Variants in SLC9A5 observed in about 807,000 individuals in gnomAD.
SLC9A5 encodes solute carrier family 9 member A5, also known as sodium/hydrogen exchanger 5.
Under a neutral mutation model 91.7 loss-of-function variants are expected in SLC9A5, and 52 were observed. The ratio of observed to expected loss-of-function variants is 0.57; its 90% confidence interval spans 0.45 to 0.71. The LOEUF is 0.71. SLC9A5 is among the 30% of genes least tolerant of loss of function. The pLI, the probability that SLC9A5 is intolerant of heterozygous loss-of-function variation, is 0.00. For missense variants in SLC9A5, 871 were observed against 1,158.9 expected (o/e 0.75, Z 3.61); for synonymous variants, 419 against 474.5 (o/e 0.88, Z 1.52).
chr16:67,252,657 G>A lies in SLC9A5; in HGVS notation c.303G>A (p.Gln101=), dbSNP rs372997555. The change falls in exon 2 of 16, where the codon CAG becomes CAA. Residue 101 remains glutamine, a synonymous_variant. Transcript: ENST00000299798. This position sits in a 1 kb window ranked among gnomAD's most constrained non-coding sequence, Gnocchi z 4.0. Reference sequence around the variant, plus strand: ...CTGTGGCCAAGAAAGCTGAGTACCAGCTGGAGCCAGGCACCTTCTTCCTCT... The same window carrying A: ...CTGTGGCCAAGAAAGCTGAGTACCAACTGGAGCCAGGCACCTTCTTCCTCT... ...VLAVAKKAEY[Q]LEPGTFFLFL... is the part of the protein sequence containing the mutation. 2.7e-5 allele frequency: 44 copies of A among 1,614,072 alleles called. No homozygotes were observed. Among genetic ancestry groups the A allele is most frequent in the South Asian group, 3.3e-5 (3 of 91,092 alleles).
intron 13 of SLC9A5, 55 bp from the exon 14 acceptor site, chr16:67,264,985 G>C: frequency 3.2e-6 from 5 of 1,563,824 alleles, no homozygotes; most frequent in Non-Finnish European, 4.4e-6. Flanking sequence ...CCAGATGACA[G>C]GGTTGGGGTG....
In SLC9A5 at chr16:67,251,228, C is replaced by T. The variant is rs962156543; in HGVS notation, c.188-1314C>T. On this transcript the variant is annotated intron_variant, in intron 1 of 15. Transcript: ENST00000299798. ...GCTAAAGCCAAAGTTTTAAAAACTA[C>T]GCAGTCCTGAGTGAGCCCATATAAT... 5.3e-5 allele frequency among the ~76,000 whole-genome samples: 8 copies of T among 152,144 alleles called. No individual in the cohort carries two copies. The East Asian group carries it at 9.7e-4, about 18-fold the overall frequency.
chr16:67,264,546 T>A (rs779368954), intron 13 of SLC9A5, 24 bp downstream of exon 13: 139 of 1,612,156 alleles, frequency 8.6e-5, no homozygotes, highest in Non-Finnish European at 2.5e-6. Flanking sequence ...CAGGGACTCC[T>A]CTTGGGAGCT....
chr16:67,257,606 G>A lies in SLC9A5; in HGVS notation c.1496+5G>A, dbSNP rs1597351937. 1.2e-6 allele frequency: 2 copies of A among 1,613,958 alleles called. No individual in the cohort carries two copies. Among genetic ancestry groups the A allele is most frequent in the East Asian group, 4.5e-5 (2 of 44,874 alleles). ...CTACCACTACTGGAGGGACAGGTGA[G>A]GGAGCTGCCCCGAGGCTCCTTCAGC... On this transcript the variant is annotated splice_donor_5th_base_variant and intron_variant, in intron 9 of 15. Coordinates refer to ENST00000299798, the MANE Select transcript of SLC9A5 (RefSeq NM_004594.3). The surrounding 1 kb of genome is among the most constrained non-coding windows in gnomAD (Gnocchi z 5.1).
intron 10 of SLC9A5, among the ~76,000 whole-genome samples, chr16:67,259,062 C>T (rs528147145): frequency 7.2e-5 from 11 of 151,970 alleles, no homozygotes; most frequent in African/African-American, 2.7e-4. Context: ...AGTTCGAAAC[C>T]GGCCTGGCCA....
At chr16:67,268,711 T>TATATATATATATATATATATA (rs55635044) in intron 15 of SLC9A5, among the ~76,000 whole-genome samples, 1 of 97,550 alleles carries the variant, frequency 1.0e-5, no homozygotes, top group Non-Finnish European at 1.9e-5. Context: ...TATATATATA[T>TATATATATATATATATATATA]TTTTACAGTA....
At position 67,255,756 on chromosome 16, in the gene SLC9A5, C is replaced by A; in HGVS notation, c.737C>A (p.Ser246Tyr). Residue 246 changes from serine to tyrosine, a missense_variant, in exon 5 of 16, where the codon TCC (serine) becomes TAC (tyrosine). Ser to Tyr is a moderately radical substitution (Grantham distance 144). Coordinates refer to ENST00000299798, the MANE Select transcript of SLC9A5 (RefSeq NM_004594.3). This position sits in a 1 kb window ranked among gnomAD's most constrained non-coding sequence, Gnocchi z 4.9. ...TGACAACCCACTCCTCCCCCAGCCT[C>A]CCTGTTTGTGGTCAGTCTGGGCGGG... ...QATDYLKGVA[S>Y]LFVVSLGGAA... The A allele has an allele frequency of 6.4e-7, 1 of 1,569,800 alleles. No homozygotes were observed. The highest frequency in any genetic ancestry group is 2.3e-5 in the East Asian group (1 of 42,906).
At chr16:67,265,877 T>C (rs1314301007) in intron 14 of SLC9A5, among the ~76,000 whole-genome samples, 1 of 152,208 alleles carries the variant, frequency 6.6e-6, no homozygotes, top group East Asian at 1.9e-4. Context: ...CTTAGCTTCC[T>C]CTGGTCGCTT....
chr16:67,271,257 G>T lies in SLC9A5; in HGVS notation c.*47G>T. 6.6e-7 allele frequency: 1 copy of T among 1,512,402 alleles called. No homozygotes were observed. Among genetic ancestry groups the T allele is most frequent in the Non-Finnish European group, 9.0e-7 (1 of 1,110,860 alleles). 93.7% of individuals were successfully genotyped at this position (1,512,402 alleles called of 1,614,324 possible). A position where few individuals can be genotyped will look rare whatever the true frequency, so the allele number is the denominator to read the frequency against. On this transcript the variant is annotated 3_prime_UTR_variant, in exon 16 of 16. Coordinates refer to ENST00000299798, the MANE Select transcript of SLC9A5 (RefSeq NM_004594.3). ...AGGAGGTGGAATCCCTGTGGGAAGT[G>T]CTCCCTGGGTGATGGGTAGAGCCCT...
Position 67,252,507 on chromosome 16 carries a change from A to T in SLC9A5, c.188-35A>T. 1.3e-6 allele frequency: 2 copies of T among 1,568,992 alleles called. No homozygotes were observed. Among genetic ancestry groups the T allele is most frequent in the Non-Finnish European group, 1.7e-6 (2 of 1,152,386 alleles). ...GCCTGTGTGTGGGAGGATATTCCAT[A>T]AACTGATCCATCCTGCACTCTTTTT... On this transcript the variant is annotated intron_variant, in intron 1 of 15. Transcript: ENST00000299798. This position sits in a 1 kb window ranked among gnomAD's most constrained non-coding sequence, Gnocchi z 4.0.
rs1008912974 is a variant in SLC9A5, at chr16:67,252,780, C to T, written c.426C>T (p.Gly142=). 2 of 1,613,958 alleles carry T rather than the reference C, an allele frequency of 1.2e-6. No individual in the cohort carries two copies. Among genetic ancestry groups the T allele is most frequent in the Admixed American group, 3.3e-5 (2 of 60,010 alleles). The change falls in exon 2 of 16, where the codon GGC becomes GGT. Residue 142 remains glycine, a synonymous_variant. Transcript: ENST00000299798. This position sits in a 1 kb window ranked among gnomAD's most constrained non-coding sequence, Gnocchi z 4.0. ...CCATCCTCACCTATGCCGTGGTAGG[C>T]ACACTCTGGAATGCCTTCACAACAG... ...LGAILTYAVV[G]TLWNAFTTGA... is the part of the protein sequence containing the mutation.
intron 1 of SLC9A5, 70 bp downstream of exon 1, chr16:67,249,271 C>A: frequency 8.1e-7 from 1 of 1,232,638 alleles, no homozygotes; most frequent in South Asian, 1.9e-5. Context: ...CCCACCTCCT[C>A]GGTCCTCAGA....
At chr16:67,267,287 T>C (rs994768989) in intron 15 of SLC9A5, among the ~76,000 whole-genome samples, 1 of 151,922 alleles carries the variant, frequency 6.6e-6, no homozygotes, top group Non-Finnish European at 1.5e-5. Flanking sequence ...GGTGTCTCCA[T>C]GTTGGTCAGG....
chr16:67,252,668 G>C lies in SLC9A5; in HGVS notation c.314G>C (p.Gly105Ala), dbSNP rs763992398. The C allele has an allele frequency of 2.5e-6, 4 of 1,614,168 alleles. No individual in the cohort carries two copies. The highest frequency in any genetic ancestry group is 1.3e-5 in the African/African-American group (1 of 75,058). Residue 105 changes from glycine to alanine, a missense_variant, in exon 2 of 16, where the codon GGC (glycine) becomes GCC (alanine). This residue lies in a region of SLC9A5 where 454 missense variants were observed against 718.3 expected (regional missense o/e 0.63). Coordinates refer to ENST00000299798, the MANE Select transcript of SLC9A5 (RefSeq NM_004594.3). This position sits in a 1 kb window ranked among gnomAD's most constrained non-coding sequence, Gnocchi z 4.0. ...AAAGCTGAGTACCAGCTGGAGCCAG[G>C]CACCTTCTTCCTCTTCCTGCTGCCT... ...AKKAEYQLEP[G>A]TFFLFLLPPI...
rs987922624 is a variant in SLC9A5, at chr16:67,256,667, C to T, written c.1110C>T (p.Phe370=). The T allele has an allele frequency of 5.0e-6, 8 of 1,613,312 alleles. No homozygotes were observed. Among genetic ancestry groups the T allele is most frequent in the Non-Finnish European group, 6.8e-6 (8 of 1,179,864 alleles). Residue 370 remains phenylalanine (F), a synonymous_variant, in exon 6 of 16, where the codon TTC becomes TTT. Transcript: ENST00000299798. The surrounding 1 kb of genome is among the most constrained non-coding windows in gnomAD (Gnocchi z 4.1). ...DSGLVLGTLI[F]ILFFRALGVV... ...GGCTGGTGCTGGGCACCCTCATCTTCATCCTGTTCTTCCGAGCCCTCGGTA... is the reference window on the plus strand; with the variant it reads ...GGCTGGTGCTGGGCACCCTCATCTTTATCCTGTTCTTCCGAGCCCTCGGTA...
intron 1 of SLC9A5, among the ~76,000 whole-genome samples, chr16:67,250,105 A>G (rs571299154): frequency 3.7e-4 from 57 of 152,134 alleles, no homozygotes; most frequent in African/African-American, 1.3e-3. Flanking sequence ...CTCCAGTCTC[A>G]CCAATACAGC....
At position 67,252,736 on chromosome 16, in the gene SLC9A5, T is replaced by C; in HGVS notation, c.382T>C (p.Phe128Leu). ...DSGYFMPSRL[F>L]FDNLGAILTY... ...AGGCTATTTCATGCCTAGCAGGCTG[T>C]TCTTTGACAACTTGGGTGCCATCCT... The change falls in exon 2 of 16, where the codon TTC becomes CTC. Residue 128 changes from phenylalanine (F) to leucine (L), a missense_variant. By Grantham distance (22) the Phe-to-Leu change is conservative (BLOSUM62 0). This residue lies in a region of SLC9A5 where 454 missense variants were observed against 718.3 expected (regional missense o/e 0.63). Coordinates refer to ENST00000299798, the MANE Select transcript of SLC9A5 (RefSeq NM_004594.3). This position sits in a 1 kb window ranked among gnomAD's most constrained non-coding sequence, Gnocchi z 4.0. The C allele has an allele frequency of 6.2e-7, 1 of 1,614,228 alleles. No individual in the cohort carries two copies. The highest frequency in any genetic ancestry group is 8.5e-7 in the Non-Finnish European group (1 of 1,180,040).
chr16:67,268,390 G>A (rs1414124171), intron 15 of SLC9A5, among the ~76,000 whole-genome samples: 1 of 146,224 alleles, frequency 6.8e-6, no homozygotes, highest in Non-Finnish European at 1.5e-5. Flanking sequence ...GCAGTGGCCG[G>A]ATCATGACTC....
In SLC9A5 at chr16:67,249,025, C is replaced by A; in HGVS notation, c.11C>A (p.Ala4Asp). 1 of 1,429,012 alleles carries A rather than the reference C, an allele frequency of 7.0e-7. No homozygotes were observed. The allele number at this position is 1,429,012 out of a possible 1,614,324, so 88.5% of individuals were successfully genotyped here. Residue 4 changes from alanine (A) to aspartate (D), a missense_variant, in exon 1 of 16, where the codon GCC becomes GAC. Transcript: ENST00000299798. Reference protein sequence around the residue: MLRAALSLLALPLA... With the variant: MLRDALSLLALPLA... ...TGGGCAGGCGGCAGGATGCTGCGCG[C>A]CGCCCTGTCCCTGCTCGCGCTGCCC...
Sources: allele counts gnomAD v4.1 joint callset (sites outside exome capture counted in the v4.1 genomes callset), GRCh38; gene constraint gnomAD v4.1.1; regional missense constraint gnomAD v4.1.1; non-coding constraint Gnocchi (gnomAD v3.1); transcripts MANE v1.5; gene names NCBI Gene and HGNC (gene_info 2026-07-23, HGNC 2026-07-21).